FN1: variants seen among roughly 807,000 people sequenced by gnomAD.
FN1 encodes the protein fibronectin.
FN1 carries 106 observed loss-of-function variants against 297.3 expected under a neutral mutation model. The ratio of observed to expected loss-of-function variants is 0.36; its 90% CI spans 0.30 to 0.42. The LOEUF is 0.42. FN1 is among the 10% of genes least tolerant of loss of function. The pLI, the probability that FN1 is intolerant of heterozygous loss-of-function variation, is 1.00. For missense variants in FN1, 2,690 were observed against 3,124.9 expected, an observed-to-expected ratio of 0.86 and a Z score of 3.32; for synonymous variants, 1,149 against 1,152.6, an observed-to-expected ratio of 1.00 and a Z score of 0.06.
intron 21 of FN1, among the ~76,000 whole-genome samples, chr2:215,398,222 C>T (rs762985242): frequency 2.0e-5 from 3 of 152,196 alleles, no homozygotes; most frequent in African/African-American, 4.8e-5. Context: ...CTCCCTTTAA[C>T]GAGTTATTCA....
intron 10 of FN1, 92 bp downstream of exon 10, chr2:215,421,999 T>G (rs1262103848): frequency 3.3e-6 from 4 of 1,209,922 alleles, no homozygotes; most frequent in Middle Eastern, 1.9e-4. Flanking sequence ...TTTCTTCCCC[T>G]GCTTTTGGCA....
At chr2:215,402,912 C>A (rs988476865) in intron 20 of FN1, among the ~76,000 whole-genome samples, 11 of 152,108 alleles carry the variant, frequency 7.2e-5, no homozygotes. Context: ...TTATTGTTAG[C>A]ATCATTAAAA....
intron 9 of FN1, among the ~76,000 whole-genome samples, chr2:215,422,604 T>C (rs1412778970): frequency 1.3e-5 from 2 of 152,170 alleles, no homozygotes; most frequent in African/African-American, 2.4e-5. Flanking sequence ...ATAAAAACTA[T>C]GGGTTTGGAT....
chr2:215,393,236 C>T (rs1290013335), intron 24 of FN1, 33 bp from the exon 25 acceptor site: 2 of 1,599,370 alleles, frequency 1.3e-6, no homozygotes, highest in South Asian at 1.1e-5. Context: ...GAGGGGGAGG[C>T]AAAAGGAAAA....
At chr2:215,395,942 G>A (rs543952130) in intron 23 of FN1, among the ~76,000 whole-genome samples, 2 of 152,262 alleles carry the variant, frequency 1.3e-5, no homozygotes, top group Admixed American at 1.3e-4. Context: ...CAACTCAGCT[G>A]GAAATTGTAT....
In FN1 at chr2:215,397,217, G is replaced by A; in HGVS notation, c.3524C>T (p.Ser1175Phe). Residue 1175 changes from serine (S) to phenylalanine (F), a missense_variant, in exon 23 of 46, where the codon TCT (serine) becomes TTT (phenylalanine). Physicochemically the swap from Ser to Phe is radical, Grantham distance 155 (BLOSUM62 -2). This residue lies in a region of FN1 where 1,743 missense variants were observed against 1,945.2 expected (regional missense o/e 0.90). Transcript: ENST00000354785. ...PIVNKVVTPLSPPTNLHLEAN... is the reference protein window; with the variant it reads ...PIVNKVVTPLFPPTNLHLEAN... The stretch of plus-strand genomic sequence containing the variant: ...CTCCAGATGCAAGTTTGTTGGTGGA[G>A]ACAATGCTATGCAGAAAGAACATTT... 6.2e-7 allele frequency: 1 copy of A among 1,611,232 alleles called. No individual in the cohort carries two copies. The highest frequency in any genetic ancestry group is 8.5e-7 in the Non-Finnish European group (1 of 1,177,444).
Position 215,409,540 on chromosome 2 carries a change from CTTGAGCGACATA to C in FN1, c.2299+11_2299+22del, listed in dbSNP as rs1559509507. ...TTTCCAGCAGCTGCCCTGAACCTGT[CTTGAGCGACATA>C]TTGAGCTTACCCAGGTACTGTGGCT... On this transcript the variant is annotated intron_variant, in intron 15 of 45. Coordinates refer to ENST00000354785, the MANE Select transcript of FN1 (RefSeq NM_212482.4). 6.2e-7 allele frequency: 1 copy of C among 1,611,460 alleles called. No homozygotes were observed.
Position 215,406,308 on chromosome 2 carries a change from G to C in FN1, c.2916C>G (p.Thr972=). Residue 972 remains threonine (T), a synonymous_variant, in exon 19 of 46, where the codon ACC becomes ACG. Transcript: ENST00000354785. ...AEVTGLSPGV[T]YYFKVFAVSH... ...TCACTGCAAAGACTTTGAAGTAATAGGTGACCCCAGGGGACAGCCCGGTGA... is the reference window on the plus strand; with the variant it reads ...TCACTGCAAAGACTTTGAAGTAATACGTGACCCCAGGGGACAGCCCGGTGA... 2 of 1,614,184 alleles carry C rather than the reference G, an allele frequency of 1.2e-6. No homozygotes were observed. The highest frequency in any genetic ancestry group is 2.2e-5 in the South Asian group (2 of 91,084).
chr2:215,376,589 G>A lies in FN1; in HGVS notation c.5796C>T (p.Ile1932=). 2.5e-6 allele frequency: 4 copies of A among 1,614,036 alleles called. No homozygotes were observed. Among genetic ancestry groups the A allele is most frequent in the Non-Finnish European group, 3.4e-6 (4 of 1,179,982 alleles). The change falls in exon 36 of 46, where the codon ATC becomes ATT. Residue 1932 remains isoleucine (I), a synonymous_variant. Coordinates refer to ENST00000354785, the MANE Select transcript of FN1 (RefSeq NM_212482.4). ...GAACGGCATCAACTTGGAAGCCAGT[G>A]ATCGTCTCAGTCTTGGTTCTCCAGC... The part of the protein sequence containing the change: ...TISWRTKTET[I]TGFQVDAVPA...
Position 215,399,338 on chromosome 2 carries a change from G to C in FN1, c.3267C>G (p.Ser1089Arg). ...TGVFTTLQPGSSIPPYNTEVT... is the reference protein window; with the variant it reads ...TGVFTTLQPGRSIPPYNTEVT... ...CCTCGGTGTTGTAAGGTGGAATAGAGCTCCCAGGCTGCACTGTGAGAGAGA... is the reference window on the plus strand; with the variant it reads ...CCTCGGTGTTGTAAGGTGGAATAGACCTCCCAGGCTGCACTGTGAGAGAGA... The change falls in exon 21 of 46, where the codon AGC becomes AGG. Residue 1089 changes from serine to arginine, a missense_variant. Coordinates refer to ENST00000354785, the MANE Select transcript of FN1 (RefSeq NM_212482.4). The C allele has an allele frequency of 1.2e-6, 2 of 1,612,566 alleles. No individual in the cohort carries two copies. The highest frequency in any genetic ancestry group is 1.7e-6 in the Non-Finnish European group (2 of 1,178,564).
chr2:215,406,648 C>T, intron 18 of FN1, 138 bp from the exon 19 acceptor site: 1 of 876,446 alleles, frequency 1.1e-6, no homozygotes, highest in Non-Finnish European at 1.8e-6. Flanking sequence ...TTAATCAGAT[C>T]ACATTTTCAT....
chr2:215,425,339 T>C, intron 6 of FN1, 54 bp from the exon 7 acceptor site: 1 of 1,530,462 alleles, frequency 6.5e-7, no homozygotes, highest in African/African-American at 1.4e-5. Context: ...GACAATTCAC[T>C]ACTTTCTGCA....
intron 5 of FN1, 73 bp downstream of exon 5, chr2:215,430,642 G>A (rs2066346967): frequency 1.3e-6 from 2 of 1,544,046 alleles, no homozygotes; most frequent in Admixed American, 3.4e-5. Flanking sequence ...GAGTAACATA[G>A]TATTACCCTT....
intron 13 of FN1, among the ~76,000 whole-genome samples, chr2:215,413,838 T>C (rs187015979): frequency 2.6e-5 from 4 of 152,358 alleles, no homozygotes; most frequent in Admixed American, 2.0e-4. Flanking sequence ...TGGCTGAGTA[T>C]AGAAGACTTT....
At chr2:215,420,949 AT>A in intron 10 of FN1, 148 bp from the exon 11 acceptor site, 6 of 833,854 alleles carry the variant, frequency 7.2e-6, no homozygotes, top group Non-Finnish European at 1.1e-5. Flanking sequence ...ATAGAATAAC[AT>A]TTTTTTCAAA....
chr2:215,394,459 G>T (rs1441562191), intron 24 of FN1, 69 bp downstream of exon 24: 2 of 1,271,252 alleles, frequency 1.6e-6, no homozygotes, highest in Non-Finnish European at 1.2e-6. Context: ...AGCATCTGGG[G>T]ATTAAGATGC....
At chr2:215,402,241 C>G (rs966930133) in intron 20 of FN1, among the ~76,000 whole-genome samples, 1 of 152,200 alleles carries the variant, frequency 6.6e-6, no homozygotes, top group Non-Finnish European at 1.5e-5. Flanking sequence ...ATGATGCTCT[C>G]TGCCTGGGAA....
At chr2:215,404,678 C>A in intron 19 of FN1, 23 bp from the exon 20 acceptor site, 2 of 1,606,524 alleles carry the variant, frequency 1.2e-6, no homozygotes, top group East Asian at 4.5e-5. Context: ...ATGAAACATG[C>A]CAAGAAATAT....
rs777767132 is a variant in FN1 at position 215,379,296 on chromosome 2, A to C, written c.5456T>G (p.Leu1819Arg). The C allele has an allele frequency of 1.2e-6, 2 of 1,614,068 alleles. No individual in the cohort carries two copies. Among genetic ancestry groups the C allele is most frequent in the Admixed American group, 1.7e-5 (1 of 60,006 alleles). Residue 1819 changes from leucine to arginine, a missense_variant, in exon 34 of 46, where the codon CTG becomes CGG. This residue lies in a region of FN1 where 1,743 missense variants were observed against 1,945.2 expected (regional missense o/e 0.90). Coordinates refer to ENST00000354785, the MANE Select transcript of FN1 (RefSeq NM_212482.4). ...TGTGGGTGTGACCTGAGTGAACTTC[A>C]GGTCAGTTGGTGCAGGAATAGCTGT... ...QSTAIPAPTD[L>R]KFTQVTPTSL...
Sources: allele counts gnomAD v4.1 joint callset (sites outside exome capture counted in the v4.1 genomes callset), GRCh38; gene constraint gnomAD v4.1.1; regional missense constraint gnomAD v4.1.1; transcripts MANE v1.5; gene names NCBI Gene and HGNC (gene_info 2026-07-23, HGNC 2026-07-21).